The following ZNF655 variants were observed in gnomAD, a reference collection of about 807,000 sequenced individuals.
ZNF655 encodes zinc finger protein 655.
A neutral mutation model predicts 6.6 loss-of-function variants in ZNF655; 3 were observed. That is an observed-to-expected ratio of 0.46 (90% CI 0.21 to 1.18). The LOEUF is 1.18. Ranked by LOEUF, ZNF655 falls within the 50% of genes most tolerant of loss-of-function variation. ZNF655 has a pLI of 0.24. For missense variants in ZNF655, 526 were observed against 572.3 expected (o/e 0.92, Z 0.83); for synonymous variants, 178 against 195.0 (o/e 0.91, Z 0.73).
intron 2 of ZNF655, chr7:99,562,039 T>C: frequency 7.3e-7 from 1 of 1,365,502 alleles, no homozygotes; most frequent in Non-Finnish European, 9.8e-7. Flanking sequence ...GGCCTCTCTC[T>C]CATCCCATCT....
At chr7:99,560,749 CGAGGGGGCTCCT>C (rs1803078902) in intron 2 of ZNF655, 54 bp downstream of exon 2, 5 of 1,590,046 alleles carry the variant, frequency 3.1e-6, no homozygotes, top group East Asian at 2.3e-5. Context: ...GAGGGGCTCC[CGAGGGGGCTCCT>C]GGGCCTGGTT....
At chr7:99,571,250 C>A in intron 2 of ZNF655, 1 of 1,289,050 alleles carries the variant, frequency 7.8e-7, no homozygotes, top group Non-Finnish European at 1.0e-6. Flanking sequence ...CACTGATTCT[C>A]TTGCTACAGG....
Position 99,572,374 on chromosome 7 carries a change from T to C in ZNF655, c.266T>C (p.Val89Ala), listed in dbSNP as rs150875218. ...ACCCAAGTTCCTGAGACTAGAGAAGTGTATAAGTCTGAGGACAGATTAGAA... is the reference window on the plus strand; with the variant it reads ...ACCCAAGTTCCTGAGACTAGAGAAGCGTATAAGTCTGAGGACAGATTAGAA... ...DITQVPETRE[V>A]YKSEDRLERL... Residue 89 changes from valine to alanine, a missense_variant, in exon 3 of 3, where the codon GTG (valine) becomes GCG (alanine). Coordinates refer to ENST00000252713, the MANE Select transcript of ZNF655 (RefSeq NM_138494.3). 6.8e-5 allele frequency: 110 copies of C among 1,613,734 alleles called. No homozygotes were observed. The highest frequency in any genetic ancestry group is 8.7e-5 in the Non-Finnish European group (103 of 1,179,942).
chr7:99,572,013 A>G (rs914515280), intron 2 of ZNF655, among the ~76,000 whole-genome samples: 1 of 152,134 alleles, frequency 6.6e-6, no homozygotes, highest in Non-Finnish European at 1.5e-5. Flanking sequence ...AAATTCTTTC[A>G]GCTGTTTCCC....
chr7:99,562,125 A>G (rs934563017), intron 2 of ZNF655: 3 of 780,808 alleles, frequency 3.8e-6, no homozygotes, highest in Non-Finnish European at 5.9e-6. Flanking sequence ...CCTGGACTTC[A>G]CATAAACCAA....
At position 99,573,211 on chromosome 7, in the gene ZNF655, T is replaced by C; in HGVS notation, c.1103T>C (p.Ile368Thr). 2 of 1,614,098 alleles carry C rather than the reference T, an allele frequency of 1.2e-6. No individual in the cohort carries two copies. The highest frequency in any genetic ancestry group is 1.7e-6 in the Non-Finnish European group (2 of 1,180,008). ...TATGATGAATATGGGTTGGCCTATA[T>C]TAAACAACAAGGAATTCATTTCAGA... ...YEYDEYGLAYIKQQGIHFREK... is the reference protein window; with the variant it reads ...YEYDEYGLAYTKQQGIHFREK... Residue 368 changes from isoleucine to threonine, a missense_variant, in exon 3 of 3, where the codon ATT (isoleucine) becomes ACT (threonine). Physicochemically the swap from Ile to Thr is moderately conservative, Grantham distance 89 (BLOSUM62 -1). Coordinates refer to ENST00000252713, the MANE Select transcript of ZNF655 (RefSeq NM_138494.3).
Position 99,573,687 on chromosome 7 carries a change from T to G in ZNF655, c.*103T>G. 7.4e-7 allele frequency: 1 copy of G among 1,344,894 alleles called. No individual in the cohort carries two copies. Among genetic ancestry groups the G allele is most frequent in the Non-Finnish European group, 1.0e-6 (1 of 990,092 alleles). The allele number at this position is 1,344,894 out of a possible 1,614,324, so 83.3% of individuals were successfully genotyped here. On this transcript the variant is annotated 3_prime_UTR_variant, in exon 3 of 3. Coordinates refer to ENST00000252713, the MANE Select transcript of ZNF655 (RefSeq NM_138494.3). ...TGTATGTACTGCATGTGGTAAAGCC[T>G]TCAGTCATAGCTCAGCCATTGCTCA...
chr7:99,561,617 C>G (rs1803179168), intron 2 of ZNF655, among the ~76,000 whole-genome samples: 1 of 152,206 alleles, frequency 6.6e-6, no homozygotes, highest in Non-Finnish European at 1.5e-5. Flanking sequence ...TATAGTCTTA[C>G]TCTTCTGTAA....
intron 2 of ZNF655, chr7:99,562,196 T>C (rs890101648): frequency 6.0e-6 from 5 of 829,304 alleles, no homozygotes; most frequent in Non-Finnish European, 9.1e-6. Context: ...GGTTGTGTGA[T>C]GGGTGCTTAT....
intron 2 of ZNF655, among the ~76,000 whole-genome samples, chr7:99,563,627 T>G (rs922266324): frequency 2.6e-5 from 4 of 152,138 alleles, no homozygotes; most frequent in African/African-American, 9.7e-5. Context: ...CTCCTTTTTC[T>G]TTAGTTTCTT....
intron 2 of ZNF655, among the ~76,000 whole-genome samples, chr7:99,565,979 C>T (rs1803591538): frequency 6.6e-6 from 1 of 151,812 alleles, no homozygotes; most frequent in Non-Finnish European, 1.5e-5. Flanking sequence ...TACACACACA[C>T]ACACATATGT....
intron 2 of ZNF655, among the ~76,000 whole-genome samples, chr7:99,567,850 G>T (rs947349807): frequency 6.6e-6 from 1 of 151,892 alleles, no homozygotes; most frequent in Admixed American, 6.6e-5. Flanking sequence ...CACAAGGTCA[G>T]GAGTTCGAGA....
rs746780593 is a variant in ZNF655, at chr7:99,573,629, C to T, written c.*45C>T. 6.4e-7 allele frequency: 1 copy of T among 1,564,844 alleles called. No individual in the cohort carries two copies. The highest frequency in any genetic ancestry group is 1.2e-5 in the South Asian group (1 of 83,894). The stretch of plus-strand genomic sequence containing the variant: ...ATATTTATCAAATTCAGGCTTCATT[C>T]AGCATCTGAGAGTTCACACCAGGGA... On this transcript the variant is annotated 3_prime_UTR_variant, in exon 3 of 3. Coordinates refer to ENST00000252713, the MANE Select transcript of ZNF655 (RefSeq NM_138494.3).
chr7:99,570,412 T>C (rs1383410853), intron 2 of ZNF655: 1 of 152,240 alleles, frequency 6.6e-6, no homozygotes, highest in African/African-American at 2.4e-5. Flanking sequence ...TTCTATCTAT[T>C]CTGATCTCCT....
In ZNF655 at chr7:99,572,936, CT is replaced by C; in HGVS notation, c.829del (p.Cys277ValfsTer14). The C allele has an allele frequency of 6.2e-7, 1 of 1,614,082 alleles. No homozygotes were observed. The highest frequency in any genetic ancestry group is 8.5e-7 in the Non-Finnish European group (1 of 1,179,972). On this transcript the variant is annotated frameshift_variant, in exon 3 of 3. Transcript: ENST00000252713. LOFTEE classifies it low-confidence loss of function (END_TRUNC). ...PYKCEASDKS[C>X]EASDKSCSPS... ...ACAAATGTGAAGCATCTGATAAATC[CT>C]GTGAAGCGTCTGATAAATCCTGTAG...
At chr7:99,559,609 A>G (rs1403307947) in intron 1 of ZNF655, among the ~76,000 whole-genome samples, 2 of 151,984 alleles carry the variant, frequency 1.3e-5, no homozygotes, top group Non-Finnish European at 2.9e-5. Flanking sequence ...GCCTCCAAAG[A>G]CGATTGTAAA....
At chr7:99,570,785 G>A (rs1803991012) in intron 2 of ZNF655, 1 of 152,326 alleles carries the variant, frequency 6.6e-6, no homozygotes, top group South Asian at 2.1e-4. Flanking sequence ...AGGGGCTTGA[G>A]CCAGACCTTG....
In ZNF655 at chr7:99,573,430, A is replaced by T; in HGVS notation, c.1322A>T (p.Tyr441Phe). The T allele has an allele frequency of 6.2e-7, 1 of 1,614,160 alleles. No individual in the cohort carries two copies. Among genetic ancestry groups the T allele is most frequent in the East Asian group, 2.2e-5 (1 of 44,880 alleles). The stretch of plus-strand genomic sequence containing the variant: ...GAGAAATCGTATGAATGTAATGAGT[A>T]TGAGGGCAGTTTCAGTCATAGCTCA... ...RKEKSYECNE[Y>F]EGSFSHSSDL... The change falls in exon 3 of 3, where the codon TAT (tyrosine) becomes TTT (phenylalanine). Residue 441 changes from tyrosine to phenylalanine, a missense_variant. Transcript: ENST00000252713.
At position 99,574,593 on chromosome 7, in the gene ZNF655, A is replaced by G. The variant is rs1342224455; in HGVS notation, c.*1009A>G. 1.3e-5 allele frequency: 2 copies of G among 152,146 alleles called. No homozygotes were observed. The highest frequency in any genetic ancestry group is 6.5e-5 in the Admixed American group (1 of 15,270). 9.4% of individuals were successfully genotyped at this position (152,146 alleles called of 1,614,324 possible). A position where few individuals can be genotyped will look rare whatever the true frequency, so the allele number is the denominator to read the frequency against. On this transcript the variant is annotated 3_prime_UTR_variant, in exon 3 of 3. Coordinates refer to ENST00000252713, the MANE Select transcript of ZNF655 (RefSeq NM_138494.3). ...CTGTTTTTATTTTAATATGCCCTAT[A>G]AACATTTTTATATTTTTTGAAATTG... is the stretch of plus-strand genomic sequence containing the variant.
Sources: allele counts gnomAD v4.1 joint callset (sites outside exome capture counted in the v4.1 genomes callset), GRCh38; gene constraint gnomAD v4.1.1; transcripts MANE v1.5; gene names NCBI Gene and HGNC (gene_info 2026-07-23, HGNC 2026-07-21).